Variants in CDHR2 observed in about 807,000 individuals in gnomAD.
CDHR2 encodes the protein cadherin-related family member 2.
CDHR2 carries 104 observed loss-of-function variants against 138.6 expected under a neutral mutation model. The observed-to-expected ratio is 0.75, with a 90% CI of 0.64 to 0.88. The LOEUF (loss-of-function observed/expected upper bound fraction) is 0.88, where lower values mean the gene tolerates loss of function less well. Among genes scored for constraint, CDHR2 ranks in the 40% least tolerant of loss-of-function variants. CDHR2 has a pLI of 0.00. For missense variants in CDHR2, 1,624 were observed against 1,727.6 expected, an observed-to-expected ratio of 0.94 and a Z score of 1.06; for synonymous variants, 755 against 742.8, an observed-to-expected ratio of 1.02 and a Z score of -0.27.
intron 16 of CDHR2, among the ~76,000 whole-genome samples, chr5:176,580,133 C>T (rs1758492375): frequency 6.6e-6 from 1 of 151,818 alleles, no homozygotes; most frequent in African/African-American, 2.4e-5. Context: ...CACGCACGCA[C>T]TCACACACGC....
rs75784008 is a variant in CDHR2 at position 176,585,153 on chromosome 5, C to G, written c.2734+138C>G. The G allele has an allele frequency of 2.7e-6, 3 of 1,091,136 alleles. No individual in the cohort carries two copies. In the South Asian group the frequency reaches 5.0e-5, roughly 18 times the overall value. 67.6% of individuals were successfully genotyped at this position (1,091,136 alleles called of 1,614,324 possible). On this transcript the variant is annotated intron_variant, in intron 19 of 31. Coordinates refer to ENST00000261944, the MANE Select transcript of CDHR2 (RefSeq NM_017675.6). ...CCAGCTGCAAATACTGGGAAAGTCCCAAACCCTCTCCAAGCTTCAGTTTCC... is the reference window on the plus strand; with the variant it reads ...CCAGCTGCAAATACTGGGAAAGTCCGAAACCCTCTCCAAGCTTCAGTTTCC...
rs201746201 is a variant in CDHR2 at position 176,589,326 on chromosome 5, G to T, written c.3009-4G>T. The T allele has an allele frequency of 2.6e-6, 4 of 1,554,292 alleles. No homozygotes were observed. The highest frequency in any genetic ancestry group is 1.9e-5 in the Admixed American group (1 of 53,862). ...GACTGACCTGCGCCTCCCGCCTTCCGCAGGCCGGTGACCAGCCTCGACTCC... is the reference window on the plus strand; with the variant it reads ...GACTGACCTGCGCCTCCCGCCTTCCTCAGGCCGGTGACCAGCCTCGACTCC... On this transcript the variant is annotated splice_region_variant and splice_polypyrimidine_tract_variant and intron_variant, in intron 22 of 31. Transcript: ENST00000261944.
At position 176,590,107 on chromosome 5, in the gene CDHR2, T is replaced by G. The variant is rs1187424515; in HGVS notation, c.3236T>G (p.Val1079Gly). Residue 1079 changes from valine (V) to glycine (G), a missense_variant, in exon 25 of 32, where the codon GTA becomes GGA. Physicochemically the swap from Val to Gly is moderately radical, Grantham distance 109 (BLOSUM62 -3). Coordinates refer to ENST00000261944, the MANE Select transcript of CDHR2 (RefSeq NM_017675.6). ...CTTACCCAGGCAACCAGGACTACAG[T>G]ATACATTGTGGACATTCAGGACATA... is the stretch of plus-strand genomic sequence containing the variant. ...AALTQATRTT[V>G]YIVDIQDIDS... 6.2e-7 allele frequency: 1 copy of G among 1,613,774 alleles called. No homozygotes were observed. Among genetic ancestry groups the G allele is most frequent in the South Asian group, 1.1e-5 (1 of 91,080 alleles).
intron 1 of CDHR2, among the ~76,000 whole-genome samples, chr5:176,560,927 T>C (rs943524412): frequency 4.6e-5 from 7 of 152,140 alleles, no homozygotes; most frequent in African/African-American, 1.4e-4. Flanking sequence ...GGCGGGGTGC[T>C]GACCATGCCC....
chr5:176,567,047 G>A (rs1248605040), intron 3 of CDHR2: 3 of 456,004 alleles, frequency 6.6e-6, no homozygotes, highest in Non-Finnish European at 1.3e-5. Flanking sequence ...CCCTGATCAA[G>A]AGAAAGTATT....
intron 1 of CDHR2, chr5:176,542,898 G>A (rs1295897602): frequency 1.3e-5 from 2 of 152,210 alleles, no homozygotes; most frequent in African/African-American, 4.8e-5. Context: ...GGACGGACAT[G>A]GCGAGGCCAA....
chr5:176,555,387 T>C (rs1388584229), intron 1 of CDHR2, among the ~76,000 whole-genome samples: 1 of 152,186 alleles, frequency 6.6e-6, no homozygotes, highest in East Asian at 1.9e-4. Flanking sequence ...CACTTTCAGC[T>C]GTGAGGGCCT....
chr5:176,549,189 C>T (rs1757650951), upstream of CDHR2, among the ~76,000 whole-genome samples: 1 of 152,230 alleles, frequency 6.6e-6, no homozygotes, highest in Non-Finnish European at 1.5e-5. Flanking sequence ...AGCTCTGGCG[C>T]CTTGGTCCCT....
chr5:176,544,377 TTTTTTCTTCC>T (rs1322309093), upstream of CDHR2, among the ~76,000 whole-genome samples: 8 of 151,004 alleles, frequency 5.3e-5, no homozygotes, highest in South Asian at 1.0e-3. Flanking sequence ...TTTCTTTCCT[TTTTTTCTTCC>T]TTTTTTTCTT....
chr5:176,552,626 T>A (rs1757732002), intron 1 of CDHR2, among the ~76,000 whole-genome samples: 1 of 147,532 alleles, frequency 6.8e-6, no homozygotes, highest in Non-Finnish European at 1.5e-5. Context: ...ACACAGACAC[T>A]GTGCTTTTTC....
chr5:176,594,622 T>C (rs547765066), intron 31 of CDHR2, among the ~76,000 whole-genome samples: 2 of 152,320 alleles, frequency 1.3e-5, no homozygotes, highest in East Asian at 3.9e-4. Context: ...AGCTCTCCAC[T>C]TGGGGTCTGT....
rs369951709 is a variant in CDHR2, at chr5:176,591,347, T to C, written c.3653+24T>C. ...CGGTGAGCAGGGGTCAAAGGGTAGGTAAGAGGCCTGGTGGGGTGGCTGAGG... is the reference window on the plus strand; with the variant it reads ...CGGTGAGCAGGGGTCAAAGGGTAGGCAAGAGGCCTGGTGGGGTGGCTGAGG... On this transcript the variant is annotated intron_variant, in intron 29 of 31. Transcript: ENST00000261944. The C allele has an allele frequency of 9.1e-5, 146 of 1,610,976 alleles. No individual in the cohort carries two copies. In the African/African-American group the frequency reaches 1.7e-3, roughly 19 times the overall value.
intron 1 of CDHR2, among the ~76,000 whole-genome samples, chr5:176,561,829 G>C (rs1030397452): frequency 6.6e-6 from 1 of 152,020 alleles, no homozygotes; most frequent in African/African-American, 2.4e-5. Flanking sequence ...TAGTAGAGAT[G>C]GGGTTTCACC....
upstream of CDHR2, among the ~76,000 whole-genome samples, chr5:176,546,861 T>A (rs1757595266): frequency 6.6e-6 from 1 of 151,946 alleles, no homozygotes; most frequent in Non-Finnish European, 1.5e-5. Flanking sequence ...CTACCCAGTG[T>A]CTGCAGCATC....
chr5:176,584,496 G>A lies in CDHR2; in HGVS notation c.2215G>A (p.Ala739Thr). ...RISFSLSGSG[A>T]NYFMIRGLVL... ...CAGCTTCAGCCTGTCGGGGAGTGGT[G>A]CCAACTACTTCATGATCCGAGGCTT... The change falls in exon 19 of 32, where the codon GCC (alanine) becomes ACC (threonine). Residue 739 changes from alanine (A) to threonine (T), a missense_variant. Ala to Thr is a moderately conservative substitution (Grantham distance 58). Around this residue, in one of 3 missense-constraint regions of CDHR2, gnomAD observed 1,061 missense variants for 1,136.6 expected, o/e 0.93. Transcript: ENST00000261944. 1 of 1,613,464 alleles carries A rather than the reference G, an allele frequency of 6.2e-7. No homozygotes were observed. The highest frequency in any genetic ancestry group is 2.2e-5 in the East Asian group (1 of 44,870).
chr5:176,565,376 C>A lies in CDHR2; in HGVS notation c.24C>A (p.Cys8Ter). 3 of 1,614,128 alleles carry A rather than the reference C, an allele frequency of 1.9e-6. No homozygotes were observed. Among genetic ancestry groups the A allele is most frequent in the Non-Finnish European group, 2.5e-6 (3 of 1,179,970 alleles). ...TGATGGCCCAGCTATGGCTGTCCTG[C>A]TTCCTCCTTCCTGCCCTCGTGGTGT... MAQLWLS[C>*]FLLPALVVSV... is the part of the protein sequence containing the mutation. Residue 8 changes from cysteine to a stop codon, truncating the protein, a stop_gained, in exon 2 of 32, where the codon TGC (cysteine) becomes TGA (stop). Transcript: ENST00000261944. LOFTEE classifies it high-confidence loss of function.
In CDHR2 at chr5:176,590,775, C is replaced by T. The variant is rs989099953; in HGVS notation, c.3539+88C>T. 4.5e-5 allele frequency: 70 copies of T among 1,568,096 alleles called. No individual in the cohort carries two copies. The East Asian group carries it at 1.3e-3, about 29-fold the overall frequency. Reference sequence around the variant, plus strand: ...GGGGTAGGGGTAGAAGGAGCTGGGGCTTAGGCACAGGTATACATGCATTCA... The same window carrying T: ...GGGGTAGGGGTAGAAGGAGCTGGGGTTTAGGCACAGGTATACATGCATTCA... On this transcript the variant is annotated intron_variant, in intron 28 of 31. Coordinates refer to ENST00000261944, the MANE Select transcript of CDHR2 (RefSeq NM_017675.6).
chr5:176,560,605 C>T (rs565285113), intron 1 of CDHR2, among the ~76,000 whole-genome samples: 1 of 152,304 alleles, frequency 6.6e-6, no homozygotes, highest in African/African-American at 2.4e-5. Context: ...ATGCAGTGCA[C>T]TATTAGGTGG....
At chr5:176,552,995 CTGAG>C (rs1383715516) in intron 1 of CDHR2, among the ~76,000 whole-genome samples, 1 of 152,158 alleles carries the variant, frequency 6.6e-6, no homozygotes, top group African/African-American at 2.4e-5. Flanking sequence ...CGCTGTTGCT[CTGAG>C]TGAGGGTCCC....
Sources: allele counts gnomAD v4.1 joint callset (sites outside exome capture counted in the v4.1 genomes callset), GRCh38; gene constraint gnomAD v4.1.1; regional missense constraint gnomAD v4.1.1; transcripts MANE v1.5; gene names NCBI Gene and HGNC (gene_info 2026-07-23, HGNC 2026-07-21).